The following M1AP variants were observed in gnomAD, a reference collection of about 807,000 sequenced individuals.
The protein encoded by M1AP is meiosis 1 associated protein.
A neutral mutation model predicts 51.2 loss-of-function variants in M1AP; 39 were observed. The observed-to-expected ratio is 0.76, with a 90% CI of 0.59 to 1.00. The LOEUF is 1.00. Ranked by LOEUF, M1AP falls within the 50% of genes least tolerant of loss-of-function variation. The pLI is 0.00. For missense variants in M1AP, 545 were observed against 641.2 expected (o/e 0.85, Z 1.62); for synonymous variants, 251 against 249.2 (o/e 1.01, Z -0.07).
chr2:74,593,065 G>T (rs1680138831), intron 4 of M1AP, among the ~76,000 whole-genome samples: 1 of 152,190 alleles, frequency 6.6e-6, no homozygotes. Context: ...CCCAGATTGG[G>T]TAGTGGCAAC....
intron 4 of M1AP, among the ~76,000 whole-genome samples, chr2:74,591,671 C>T (rs896518141): frequency 3.9e-5 from 6 of 152,072 alleles, no homozygotes; most frequent in Non-Finnish European, 7.4e-5. Context: ...GAAAGAGCTG[C>T]CTTGAGGTGA....
At chr2:74,619,857 C>T (rs565101730) in intron 2 of M1AP, among the ~76,000 whole-genome samples, 2 of 152,262 alleles carry the variant, frequency 1.3e-5, no homozygotes, top group African/African-American at 4.8e-5. Context: ...TAGGTGACAT[C>T]TCATGAAAAG....
rs370787460 is a variant in M1AP, at chr2:74,602,203, T to C, written c.595+4852A>G. Among the ~76,000 whole-genome samples, 61 of 152,288 alleles carry C rather than the reference T, an allele frequency of 4.0e-4. 1 individual carries two copies. The highest frequency in any genetic ancestry group is 1.4e-3 in the African/African-American group (60 of 41,558). ...TGACCCCAATCACTCACACAAATCA[T>C]TTGTTTTTTTTTCAATCATTCATTT... is the stretch of plus-strand genomic sequence containing the variant. On this transcript the variant is annotated intron_variant, in intron 4 of 10. Transcript: ENST00000421985.
Position 74,558,719 on chromosome 2 carries a change from G to A in M1AP, c.1590C>T (p.Pro530=). 1.9e-6 allele frequency: 3 copies of A among 1,611,898 alleles called. No individual in the cohort carries two copies. The highest frequency in any genetic ancestry group is 1.3e-5 in the African/African-American group (1 of 74,970). ...PSEWEKDPSR[P] is the part of the protein sequence containing the mutation. ...GCTGGGCTCTGGTGCTGGTGACTTA[G>A]GGCCTTGAGGGATCCTTCTCCCACT... is the stretch of plus-strand genomic sequence containing the variant. Residue 530 remains proline, a synonymous_variant, in exon 11 of 11, where the codon CCC becomes CCT. Transcript: ENST00000421985.
intron 8 of M1AP, 166 bp downstream of exon 8, chr2:74,562,051 T>G: frequency 1.0e-6 from 1 of 985,452 alleles, no homozygotes; most frequent in Non-Finnish European, 1.2e-6. Context: ...AAGTGTTTAC[T>G]TCCTTCTTCT....
At chr2:74,569,909 C>T (rs1044107298) in intron 7 of M1AP, among the ~76,000 whole-genome samples, 26 of 143,350 alleles carry the variant, frequency 1.8e-4, no homozygotes, top group African/African-American at 5.8e-4. Flanking sequence ...TGTGTGCATG[C>T]GTGTGTGTGT....
intron 8 of M1AP, among the ~76,000 whole-genome samples, chr2:74,560,718 A>C (rs1335095190): frequency 1.3e-5 from 2 of 152,100 alleles, no homozygotes; most frequent in South Asian, 4.1e-4. Flanking sequence ...CTGAATGGAA[A>C]GGGAGGAGGG....
intron 4 of M1AP, among the ~76,000 whole-genome samples, chr2:74,591,997 T>G (rs1205080440): frequency 6.6e-6 from 1 of 151,876 alleles, no homozygotes; most frequent in Non-Finnish European, 1.5e-5. Flanking sequence ...AGAGAAGGGG[T>G]TTCACTATGT....
chr2:74,621,507 C>T lies in M1AP; in HGVS notation c.241-6358G>A, dbSNP rs1573162438. ...GAGTAGTAAAAAAGATAATATTGGC[C>T]GGGCGCGGTGGCTCACGCCTGTAAT... On this transcript the variant is annotated intron_variant, in intron 2 of 10. Coordinates refer to ENST00000421985, the MANE Select transcript of M1AP (RefSeq NM_001321739.2). Among the ~76,000 whole-genome samples the T allele has an allele frequency of 1.3e-5, 2 of 151,948 alleles. 1 individual carries two copies. Among genetic ancestry groups the T allele is most frequent in the East Asian group, 3.9e-4 (2 of 5,150 alleles).
chr2:74,637,162 G>A (rs1311054286), intron 2 of M1AP, among the ~76,000 whole-genome samples: 1 of 152,056 alleles, frequency 6.6e-6, no homozygotes, highest in African/African-American at 2.4e-5. Context: ...TGTGTTTCAT[G>A]TTGGATAGTT....
chr2:74,596,117 A>G (rs1217658088), intron 4 of M1AP, among the ~76,000 whole-genome samples: 1 of 152,254 alleles, frequency 6.6e-6, no homozygotes, highest in Admixed American at 6.5e-5. Flanking sequence ...GAGTCCAACT[A>G]TATGAATATG....
At chr2:74,594,661 C>G (rs1465874807) in intron 4 of M1AP, among the ~76,000 whole-genome samples, 1 of 152,044 alleles carries the variant, frequency 6.6e-6, no homozygotes, top group Non-Finnish European at 1.5e-5. Context: ...ACTGCCTGAG[C>G]CCAGGAGTTT....
rs535249436 is a variant in M1AP at position 74,647,193 on chromosome 2, C to T, written c.-53+1072G>A. The T allele has an allele frequency of 5.6e-5, 55 of 982,466 alleles. 1 individual carries two copies. In the South Asian group the frequency reaches 2.1e-3, roughly 38 times the overall value. 60.9% of individuals were successfully genotyped at this position (982,466 alleles called of 1,614,324 possible). On this transcript the variant is annotated intron_variant, in intron 1 of 10. Coordinates refer to ENST00000421985, the MANE Select transcript of M1AP (RefSeq NM_001321739.2). ...ACAGAATCCAATATCTTTACCCTGG[C>T]CCTAAAGTTCTGCTTGTGCCTTCTG...
intron 5 of M1AP, among the ~76,000 whole-genome samples, chr2:74,578,742 A>G (rs1679236046): frequency 6.6e-6 from 1 of 152,190 alleles, no homozygotes; most frequent in African/African-American, 2.4e-5. Flanking sequence ...GGCCCTAGGC[A>G]AAGAAGCAGC....
chr2:74,644,278 G>A (rs942978160), intron 1 of M1AP, among the ~76,000 whole-genome samples: 2 of 152,168 alleles, frequency 1.3e-5, no homozygotes, highest in African/African-American at 4.8e-5. Flanking sequence ...AGTGGCTCAC[G>A]CCTGTAATCC....
chr2:74,559,619 CA>C, intron 10 of M1AP, 78 bp downstream of exon 10: 1 of 714,846 alleles, frequency 1.4e-6, no homozygotes, highest in Non-Finnish European at 2.6e-6. Flanking sequence ...TCTTCAACCC[CA>C]GATAGTCATG....
At chr2:74,616,940 T>C (rs998345719) in intron 2 of M1AP, among the ~76,000 whole-genome samples, 6 of 152,218 alleles carry the variant, frequency 3.9e-5, no homozygotes, top group Admixed American at 2.6e-4. Context: ...ATTTTATTTA[T>C]TTGGTGGCCA....
intron 4 of M1AP, among the ~76,000 whole-genome samples, chr2:74,595,968 A>C (rs1211363271): frequency 6.6e-6 from 1 of 152,258 alleles, no homozygotes; most frequent in Non-Finnish European, 1.5e-5. Flanking sequence ...GAAACCAGAA[A>C]AAATGCAAAG....
chr2:74,576,856 T>G, intron 5 of M1AP: 7 of 1,270,006 alleles, frequency 5.5e-6, no homozygotes, highest in East Asian at 3.4e-5. Flanking sequence ...AAAGTTAACT[T>G]ATCTTCAAGA....
Sources: gnomAD v4.1 joint callset for allele counts (sites outside exome capture counted in the v4.1 genomes callset) on GRCh38, gnomAD v4.1.1 for gene constraint, MANE v1.5 for transcripts, NCBI Gene and HGNC (gene_info 2026-07-23, HGNC 2026-07-21) for gene names.